The following CTNNA3 variants were observed in gnomAD, a reference collection of about 807,000 sequenced individuals.
The protein encoded by CTNNA3 is catenin alpha-3.
A neutral mutation model predicts 95.7 loss-of-function variants in CTNNA3; 76 were observed. The observed-to-expected ratio is 0.79, with a 90% CI of 0.66 to 0.96. The LOEUF is 0.96. Ranked by LOEUF, CTNNA3 falls within the 40% of genes least tolerant of loss-of-function variation. The pLI is 0.00. For synonymous variants in CTNNA3, 431 were observed against 374.4 expected (o/e 1.15, Z -1.74); for missense variants, 1,191 against 1,089.8 (o/e 1.09, Z -1.31).
intron 5 of CTNNA3, among the ~76,000 whole-genome samples, chr10:67,375,235 T>C (rs904959817): frequency 1.3e-5 from 2 of 152,232 alleles, no homozygotes; most frequent in East Asian, 1.9e-4. Flanking sequence ...TAATGCCTAC[T>C]CTTCCTATAT....
chr10:67,567,722 G>T (rs1052639230), intron 3 of CTNNA3, among the ~76,000 whole-genome samples: 1 of 152,026 alleles, frequency 6.6e-6, no homozygotes, highest in African/African-American at 2.4e-5. Flanking sequence ...GTTCATGTAT[G>T]TTTACTGGGA....
At chr10:66,296,572 T>TATACACACAC (rs143066935) in intron 12 of CTNNA3, among the ~76,000 whole-genome samples, 22 of 150,016 alleles carry the variant, frequency 1.5e-4, no homozygotes, top group African/African-American at 4.9e-4. Flanking sequence ...TGTATATATA[T>TATACACACAC]ACACACACAC....
chr10:67,218,229 G>T (rs2132260578), intron 6 of CTNNA3, among the ~76,000 whole-genome samples: 1 of 152,262 alleles, frequency 6.6e-6, no homozygotes, highest in Admixed American at 6.5e-5. Flanking sequence ...GCACTCCCCA[G>T]ATACAGACTA....
chr10:67,648,847 G>A, intron 1 of CTNNA3: 1 of 1,198,554 alleles, frequency 8.3e-7, no homozygotes, highest in Admixed American at 2.5e-5. Context: ...TTCAAGAAAG[G>A]CTCCAAACAC....
At chr10:67,083,556 A>G (rs527485055) in intron 7 of CTNNA3, among the ~76,000 whole-genome samples, 1 of 152,166 alleles carries the variant, frequency 6.6e-6, no homozygotes, top group Non-Finnish European at 1.5e-5. Flanking sequence ...TTTATTTTTT[A>G]GAATTTGTAC....
At chr10:66,780,512 T>TG (rs1840489497) in intron 7 of CTNNA3, among the ~76,000 whole-genome samples, 1 of 152,096 alleles carries the variant, frequency 6.6e-6, no homozygotes, top group Non-Finnish European at 1.5e-5. Context: ...GGCTAGATGA[T>TG]GGAGTTGTGA....
At chr10:67,081,511 A>G (rs1315781360) in intron 7 of CTNNA3, among the ~76,000 whole-genome samples, 1 of 152,202 alleles carries the variant, frequency 6.6e-6, no homozygotes, top group East Asian at 1.9e-4. Flanking sequence ...AACTTGCCCA[A>G]GGTCACCAAT....
At chr10:67,188,643 T>A (rs184283412) in intron 6 of CTNNA3, among the ~76,000 whole-genome samples, 3 of 152,136 alleles carry the variant, frequency 2.0e-5, no homozygotes, top group African/African-American at 7.2e-5. Context: ...CACTACTGTG[T>A]ATATATCCAA....
intron 7 of CTNNA3, among the ~76,000 whole-genome samples, chr10:66,844,034 T>G (rs994783396): frequency 1.3e-5 from 2 of 152,230 alleles, no homozygotes; most frequent in African/African-American, 4.8e-5. Context: ...AGCCCTGTTT[T>G]GCCTCTTGTC....
rs1839489724 is a variant in CTNNA3 at position 66,759,007 on chromosome 10, A to C, written c.1281+7257T>G. 2.0e-5 allele frequency among the ~76,000 whole-genome samples: 3 copies of C among 152,204 alleles called. No individual in the cohort carries two copies. In the South Asian group the frequency reaches 6.2e-4, roughly 32 times the overall value. Reference sequence around the variant, plus strand: ...ATTTTAGCAGAGAATTTTGCACATGACAACTTTTGACCTGTTAATGTTGCT... The same window carrying C: ...ATTTTAGCAGAGAATTTTGCACATGCCAACTTTTGACCTGTTAATGTTGCT... On this transcript the variant is annotated intron_variant, in intron 9 of 17. Transcript: ENST00000433211.
At chr10:66,784,675 C>A (rs548207822) in intron 7 of CTNNA3, among the ~76,000 whole-genome samples, 1 of 152,138 alleles carries the variant, frequency 6.6e-6, no homozygotes, top group South Asian at 2.1e-4. Flanking sequence ...TGTGCCAGAC[C>A]AAGATAATGA....
At chr10:66,899,823 T>G (rs933915198) in intron 7 of CTNNA3, among the ~76,000 whole-genome samples, 3 of 151,884 alleles carry the variant, frequency 2.0e-5, no homozygotes, top group African/African-American at 7.3e-5. Flanking sequence ...TGCTGAGGCT[T>G]GAGTAGGTAA....
chr10:66,722,576 C>A (rs552538725), intron 9 of CTNNA3, among the ~76,000 whole-genome samples: 8 of 141,642 alleles, frequency 5.6e-5, no homozygotes, highest in East Asian at 2.1e-4. Context: ...TCCCTCCCCC[C>A]ACCCCACCAC....
chr10:66,338,077 A>G (rs1027169698), intron 12 of CTNNA3, among the ~76,000 whole-genome samples: 1 of 152,118 alleles, frequency 6.6e-6, no homozygotes, highest in South Asian at 2.1e-4. Context: ...AATAGATAAC[A>G]TAAAATGTGG....
Position 66,789,199 on chromosome 10 carries a change from T to C in CTNNA3, c.1048-13675A>G, listed in dbSNP as rs10997385. On this transcript the variant is annotated intron_variant, in intron 7 of 17. Coordinates refer to ENST00000433211, the MANE Select transcript of CTNNA3 (RefSeq NM_013266.4). The stretch of plus-strand genomic sequence containing the variant: ...ATTTGTTTGTTTTGTTGTTGTTTTT[T>C]AAGTCTCACTCTTCTCGCTGAGGCT... Among the ~76,000 whole-genome samples, 865 of 152,250 alleles carry C rather than the reference T, an allele frequency of 5.7e-3. 10 individuals are homozygous for C. The highest frequency in any genetic ancestry group is 0.02 in the African/African-American group (817 of 41,546).
chr10:65,929,874 A>G (rs2077224075), intron 17 of CTNNA3, among the ~76,000 whole-genome samples: 1 of 152,100 alleles, frequency 6.6e-6, no homozygotes, highest in Non-Finnish European at 1.5e-5. Context: ...CCAAAGCTAT[A>G]GCTTTTATAA....
intron 7 of CTNNA3, among the ~76,000 whole-genome samples, chr10:66,971,124 C>T (rs1055561716): frequency 6.6e-6 from 1 of 151,942 alleles, no homozygotes; most frequent in Non-Finnish European, 1.5e-5. Context: ...AGCAATGAGG[C>T]AGGATAGTGA....
At position 66,573,155 on chromosome 10, in the gene CTNNA3, C is replaced by A. The variant is rs561361615; in HGVS notation, c.1374+48537G>T. On this transcript the variant is annotated intron_variant, in intron 10 of 17. Transcript: ENST00000433211. ...GGCTCAGGTTCACATGAAATATAAACCTCCTAGTTCACTAAAGTGTGATAT... is the reference window on the plus strand; with the variant it reads ...GGCTCAGGTTCACATGAAATATAAAACTCCTAGTTCACTAAAGTGTGATAT... Among the ~76,000 whole-genome samples, 12 of 152,228 alleles carry A rather than the reference C, an allele frequency of 7.9e-5. No homozygotes were observed. In the East Asian group the frequency reaches 1.7e-3, roughly 22 times the overall value.
At position 66,296,755 on chromosome 10, in the gene CTNNA3, A is replaced by T. The variant is rs765873263; in HGVS notation, c.1733-16134T>A. The stretch of plus-strand genomic sequence containing the variant: ...ATTTTACTTCACTAAATGTTGTGAC[A>T]TTTTACAAAATGTTGGTTGTGTCAT... On this transcript the variant is annotated intron_variant, in intron 12 of 17. Coordinates refer to ENST00000433211, the MANE Select transcript of CTNNA3 (RefSeq NM_013266.4). Among the ~76,000 whole-genome samples the T allele has an allele frequency of 3.3e-4, 50 of 152,100 alleles. 1 individual carries two copies. The highest frequency in any genetic ancestry group is 5.7e-4 in the Non-Finnish European group (39 of 67,990).
Sources: gnomAD v4.1 joint callset for allele counts (sites outside exome capture counted in the v4.1 genomes callset) on GRCh38, gnomAD v4.1.1 for gene constraint, MANE v1.5 for transcripts, NCBI Gene and HGNC (gene_info 2026-07-23, HGNC 2026-07-21) for gene names.